The following PLCL1 variants were observed in gnomAD, a reference collection of about 807,000 sequenced individuals.
PLCL1 encodes the protein inactive phospholipase C-like protein 1.
Under a neutral mutation model 84.4 loss-of-function variants are expected in PLCL1, and 41 were observed. The observed-to-expected ratio is 0.49, with a 90% CI of 0.38 to 0.63. The LOEUF is 0.63. PLCL1 is among the 30% of genes least tolerant of loss of function. PLCL1 has a pLI of 0.00. For missense variants in PLCL1, 1,206 were observed against 1,367.8 expected (o/e 0.88, Z 1.87); for synonymous variants, 490 against 488.3 (o/e 1.00, Z -0.05).
chr2:198,109,858 T>A (rs1693572792), intron 5 of PLCL1, among the ~76,000 whole-genome samples: 2 of 151,816 alleles, frequency 1.3e-5, no homozygotes, highest in South Asian at 2.1e-4. Context: ...TTTATTACTT[T>A]GTGTTTTTAA....
chr2:198,040,583 G>A (rs1305916612), intron 1 of PLCL1, among the ~76,000 whole-genome samples: 1 of 152,082 alleles, frequency 6.6e-6, no homozygotes, highest in African/African-American at 2.4e-5. Context: ...ATCTGAGGAG[G>A]CTTATGAGCT....
At chr2:197,969,721 C>T (rs1371267402) in intron 1 of PLCL1, among the ~76,000 whole-genome samples, 1 of 152,170 alleles carries the variant, frequency 6.6e-6, no homozygotes, top group Admixed American at 6.5e-5. Context: ...GGCCAAATGA[C>T]TCACTTTGAC....
intron 1 of PLCL1, among the ~76,000 whole-genome samples, chr2:197,839,219 C>A (rs1335909986): frequency 2.6e-5 from 4 of 152,128 alleles, no homozygotes; most frequent in African/African-American, 7.2e-5. Flanking sequence ...GAACAGGGTA[C>A]CTTTACAAAA....
chr2:198,027,819 TTTTTC>T (rs1483314437), intron 1 of PLCL1, among the ~76,000 whole-genome samples: 2 of 152,084 alleles, frequency 1.3e-5, no homozygotes, highest in South Asian at 2.1e-4. Flanking sequence ...ACTTTGAATC[TTTTTC>T]TTTTCTTTTC....
At chr2:198,069,472 G>A (rs2105883778) in intron 1 of PLCL1, among the ~76,000 whole-genome samples, 1 of 152,254 alleles carries the variant, frequency 6.6e-6, no homozygotes, top group South Asian at 2.1e-4. Flanking sequence ...CTGAGTGACA[G>A]AGCAAGACCC....
rs150852949 is a variant in PLCL1 at position 198,057,704 on chromosome 2, A to G, written c.241-26054A>G. 1.9e-3 allele frequency among the ~76,000 whole-genome samples: 286 copies of G among 152,308 alleles called. 1 individual carries two copies. The highest frequency in any genetic ancestry group is 6.6e-3 in the African/African-American group (276 of 41,566). On this transcript the variant is annotated intron_variant, in intron 1 of 5. Coordinates refer to ENST00000428675, the MANE Select transcript of PLCL1 (RefSeq NM_006226.4). ...CTCTTTTCTATCATACTACCACCAA[A>G]AAAGTATGATGCATGGAACTCCAAG...
intron 1 of PLCL1, among the ~76,000 whole-genome samples, chr2:197,901,632 G>C (rs1047341198): frequency 1.3e-5 from 2 of 152,232 alleles, no homozygotes; most frequent in African/African-American, 4.8e-5. Context: ...CCAACTGAGA[G>C]AGAGAGAGGA....
intron 1 of PLCL1, among the ~76,000 whole-genome samples, chr2:197,887,116 A>G (rs1050308185): frequency 1.3e-5 from 2 of 152,200 alleles, no homozygotes; most frequent in East Asian, 1.9e-4. Context: ...TTTCTTGCGT[A>G]TCTTTCCAGA....
At chr2:197,976,202 G>A (rs1016479777) in intron 1 of PLCL1, among the ~76,000 whole-genome samples, 2 of 152,188 alleles carry the variant, frequency 1.3e-5, no homozygotes, top group African/African-American at 4.8e-5. Flanking sequence ...TCTATTGCTT[G>A]TTCATTGCCT....
intron 1 of PLCL1, among the ~76,000 whole-genome samples, chr2:197,821,937 G>C (rs1690825505): frequency 6.6e-6 from 1 of 152,106 alleles, no homozygotes; most frequent in African/African-American, 2.4e-5. Context: ...ATTCTGTTTT[G>C]GGGTTCACAT....
At chr2:197,839,572 C>T (rs532971919) in intron 1 of PLCL1, among the ~76,000 whole-genome samples, 18 of 152,276 alleles carry the variant, frequency 1.2e-4, no homozygotes, top group East Asian at 3.9e-4. Context: ...TCTGCTGTGC[C>T]GTGCAGTTTC....
intron 1 of PLCL1, among the ~76,000 whole-genome samples, chr2:197,933,028 G>A (rs1273206713): frequency 1.3e-5 from 2 of 152,214 alleles, no homozygotes; most frequent in Non-Finnish European, 2.9e-5. Flanking sequence ...CAAAGTATGT[G>A]TGAGAGGAGC....
chr2:197,850,152 A>G (rs1465946468), intron 1 of PLCL1, among the ~76,000 whole-genome samples: 1 of 151,984 alleles, frequency 6.6e-6, no homozygotes, highest in Non-Finnish European at 1.5e-5. Flanking sequence ...AACCTTTCCA[A>G]GGTTTAGCAA....
chr2:197,826,191 C>T (rs969785425), intron 1 of PLCL1, among the ~76,000 whole-genome samples: 9 of 152,184 alleles, frequency 5.9e-5, no homozygotes, highest in African/African-American at 2.2e-4. Context: ...TCAGACTACC[C>T]ATCTGCTATC....
chr2:198,018,452 A>G (rs1691052887), intron 1 of PLCL1, among the ~76,000 whole-genome samples: 1 of 152,144 alleles, frequency 6.6e-6, no homozygotes, highest in Non-Finnish European at 1.5e-5. Context: ...ATCCCACCCC[A>G]TGGAACCCAT....
At chr2:197,880,241 T>C (rs1413985140) in intron 1 of PLCL1, among the ~76,000 whole-genome samples, 3 of 152,164 alleles carry the variant, frequency 2.0e-5, no homozygotes, top group Admixed American at 6.6e-5. Flanking sequence ...AGATTTTTTT[T>C]CCCTCTCTCT....
intron 1 of PLCL1, among the ~76,000 whole-genome samples, chr2:197,978,964 A>G (rs145164354): frequency 4.6e-5 from 7 of 152,366 alleles, no homozygotes; most frequent in Non-Finnish European, 8.8e-5. Flanking sequence ...GTTCTCATCA[A>G]CATAATAACA....
intron 1 of PLCL1, among the ~76,000 whole-genome samples, chr2:198,076,298 T>TA (rs2105889649): frequency 6.6e-6 from 1 of 152,330 alleles, no homozygotes; most frequent in East Asian, 1.9e-4. Flanking sequence ...GCCCATATTT[T>TA]AATTAGTATC....
chr2:197,805,149 C>CA lies in PLCL1; in HGVS notation c.50_51insA (p.Glu20ArgfsTer87). 1 of 1,306,462 alleles carries CA rather than the reference C, an allele frequency of 7.7e-7. No homozygotes were observed. Among genetic ancestry groups the CA allele is most frequent in the Non-Finnish European group, 9.7e-7 (1 of 1,032,374 alleles). The allele number at this position is 1,306,462 out of a possible 1,614,324, so 80.9% of individuals were successfully genotyped here. On this transcript the variant is annotated frameshift_variant, in exon 1 of 6. Transcript: ENST00000428675. LOFTEE classifies it high-confidence loss of function. The surrounding 1 kb of genome is among the most constrained non-coding windows in gnomAD (Gnocchi z 4.0). The stretch of plus-strand genomic sequence containing the variant: ...GAGGATCCGGCGCCGCCCGACGCGG[C>CA]GGGGGGCGAAGACGACCCCCGAGTG...
Sources: gnomAD v4.1 joint callset for allele counts (sites outside exome capture counted in the v4.1 genomes callset) on GRCh38, gnomAD v4.1.1 for gene constraint, Gnocchi (gnomAD v3.1) non-coding constraint, MANE v1.5 for transcripts, NCBI Gene and HGNC (gene_info 2026-07-23, HGNC 2026-07-21) for gene names.